The following VAV3 variants were observed in gnomAD, a reference collection of about 807,000 sequenced individuals.
VAV3 encodes guanine nucleotide exchange factor VAV3.
A neutral mutation model predicts 131.2 loss-of-function variants in VAV3; 94 were observed. The ratio of observed to expected loss-of-function variants is 0.72; its 90% CI spans 0.61 to 0.85. VAV3 has a LOEUF of 0.85. VAV3 is among the 40% of genes least tolerant of loss of function. VAV3 has a pLI of 0.00. For missense variants in VAV3, 939 were observed against 1,002.7 expected, an observed-to-expected ratio of 0.94 and a Z score of 0.86; for synonymous variants, 349 against 342.0, an observed-to-expected ratio of 1.02 and a Z score of -0.22.
At chr1:107,591,893 T>C (rs1045281092) in intron 25 of VAV3, among the ~76,000 whole-genome samples, 1 of 152,158 alleles carries the variant, frequency 6.6e-6, no homozygotes, top group Non-Finnish European at 1.5e-5. Context: ...ACAGTACAAT[T>C]ATCAAAAGCA....
intron 21 of VAV3, among the ~76,000 whole-genome samples, chr1:107,614,161 G>A (rs1418945768): frequency 6.6e-6 from 1 of 151,892 alleles, no homozygotes; most frequent in Non-Finnish European, 1.5e-5. Context: ...ATATACCCAA[G>A]TTTGCATTGT....
At chr1:107,638,423 CATTT>C (rs1356663521) in intron 20 of VAV3, among the ~76,000 whole-genome samples, 1 of 152,084 alleles carries the variant, frequency 6.6e-6, no homozygotes, top group African/African-American at 2.4e-5. Flanking sequence ...TATTAAAACT[CATTT>C]ATAATAGCAT....
At chr1:107,940,665 T>C (rs1384149220) in intron 1 of VAV3, among the ~76,000 whole-genome samples, 1 of 152,222 alleles carries the variant, frequency 6.6e-6, no homozygotes, top group African/African-American at 2.4e-5. Context: ...AAAGAAATTC[T>C]GGCACAGGCT....
chr1:107,813,967 AGTGTGTGTGTGTGTGTGTGTGTGT>A (rs58318688), intron 2 of VAV3, among the ~76,000 whole-genome samples: 63 of 135,858 alleles, frequency 4.6e-4, no homozygotes, highest in African/African-American at 1.6e-3. Context: ...ATAGTACTCC[AGTGTGTGTGTGTGTGTGTGTGTGT>A]GTGTGTGTGT....
At chr1:107,718,051 G>A (rs753107726) in intron 15 of VAV3, among the ~76,000 whole-genome samples, 3 of 151,932 alleles carry the variant, frequency 2.0e-5, no homozygotes, top group Non-Finnish European at 4.4e-5. Flanking sequence ...TTGATGGAAC[G>A]TATCTCAAAA....
chr1:107,632,548 C>T (rs560609418), intron 20 of VAV3, among the ~76,000 whole-genome samples: 2 of 152,278 alleles, frequency 1.3e-5, no homozygotes, highest in African/African-American at 4.8e-5. Flanking sequence ...CTTTGATTGG[C>T]TTAGAAGTAT....
chr1:107,686,328 T>A (rs951725142), intron 18 of VAV3, among the ~76,000 whole-genome samples: 4 of 151,828 alleles, frequency 2.6e-5, no homozygotes, highest in South Asian at 2.1e-4. Context: ...TTAAAAAAAA[T>A]TCACAATCAT....
At chr1:107,838,397 A>T (rs901268970) in intron 2 of VAV3, among the ~76,000 whole-genome samples, 1 of 152,332 alleles carries the variant, frequency 6.6e-6, no homozygotes, top group South Asian at 2.1e-4. Context: ...CCAGAATGAG[A>T]TACAAACTCA....
intron 19 of VAV3, chr1:107,678,147 TG>T (rs938540324): frequency 6.6e-6 from 1 of 152,126 alleles, no homozygotes; most frequent in African/African-American, 2.4e-5. Context: ...AACCAGAGCA[TG>T]CTCCTCAGCA....
intron 25 of VAV3, among the ~76,000 whole-genome samples, chr1:107,579,431 TC>T (rs538905641): frequency 7.8e-4 from 118 of 152,218 alleles, no homozygotes; most frequent in South Asian, 3.5e-3. Context: ...GTCCCATGTT[TC>T]CCCCCTGCAA....
intron 11 of VAV3, among the ~76,000 whole-genome samples, 168 bp from the exon 12 acceptor site, chr1:107,755,681 C>T (rs1186059217): frequency 6.6e-6 from 1 of 152,062 alleles, no homozygotes; most frequent in African/African-American, 2.4e-5. Flanking sequence ...ATCACAGAGG[C>T]AATTTTAAAA....
intron 19 of VAV3, among the ~76,000 whole-genome samples, chr1:107,649,070 C>A (rs78605485): frequency 0.051 from 7,731 of 151,298 alleles, 253 homozygotes; most frequent in Non-Finnish European, 0.081. Flanking sequence ...AACAAACAAA[C>A]AAAAAAAAAG....
At position 107,573,065 on chromosome 1, in the gene VAV3, A is replaced by G; in HGVS notation, c.*266T>C. 1 of 443,860 alleles carries G rather than the reference A, an allele frequency of 2.3e-6. No homozygotes were observed. Among genetic ancestry groups the G allele is most frequent in the Non-Finnish European group, 3.9e-6 (1 of 253,418 alleles). The allele number at this position is 443,860 out of a possible 1,614,324, so 27.5% of individuals were successfully genotyped here. ...ATGTGTTTGCAGGGCTCTTCTGGGA[A>G]GAACAGCTCTTGGTTTTGCCCTGGT... is the stretch of plus-strand genomic sequence containing the variant. On this transcript the variant is annotated 3_prime_UTR_variant, in exon 27 of 27. Coordinates refer to ENST00000370056, the MANE Select transcript of VAV3 (RefSeq NM_006113.5).
In VAV3 at chr1:107,701,427, G is replaced by A. The variant is rs187427979; in HGVS notation, c.1705+3123C>T. On this transcript the variant is annotated intron_variant, in intron 17 of 26. Transcript: ENST00000370056. ...CCAAATCCTTAAGCTGCACACAGCA[G>A]TGGGGCCCTTGATCCAGTCCACAAA... Among the ~76,000 whole-genome samples the A allele has an allele frequency of 3.4e-5, 5 of 147,850 alleles. No individual in the cohort carries two copies. The East Asian group carries it at 1.0e-3, about 30-fold the overall frequency.
rs1007456513 is a variant in VAV3, at chr1:107,639,098, G to A, written c.1914+3521C>T. Among the ~76,000 whole-genome samples, 7 of 151,824 alleles carry A rather than the reference G, an allele frequency of 4.6e-5. No individual in the cohort carries two copies. The East Asian group carries it at 5.8e-4, about 13-fold the overall frequency. ...GGCAATCCAGTGGAGAAATAATTGC[G>A]TTTTCAACAAATGCTGCTGGAGCAC... On this transcript the variant is annotated intron_variant, in intron 20 of 26. Coordinates refer to ENST00000370056, the MANE Select transcript of VAV3 (RefSeq NM_006113.5).
chr1:107,612,438 T>C (rs1652826224), intron 21 of VAV3, among the ~76,000 whole-genome samples: 1 of 152,122 alleles, frequency 6.6e-6, no homozygotes, highest in African/African-American at 2.4e-5. Context: ...TACTTGGTTC[T>C]TTTGTAGTTC....
chr1:107,593,552 G>A (rs1651131770), intron 25 of VAV3, among the ~76,000 whole-genome samples: 1 of 152,032 alleles, frequency 6.6e-6, no homozygotes, highest in African/African-American at 2.4e-5. Flanking sequence ...AGGTAATAAT[G>A]CTTGGCAAAT....
chr1:107,669,075 G>A lies in VAV3; in HGVS notation c.1777+14413C>T. 3.7e-6 allele frequency: 4 copies of A among 1,081,428 alleles called. 1 individual carries two copies. Among genetic ancestry groups the A allele is most frequent in the South Asian group, 5.1e-5 (2 of 39,034 alleles). The allele number at this position is 1,081,428 out of a possible 1,614,324, so 67.0% of individuals were successfully genotyped here. On this transcript the variant is annotated intron_variant, in intron 19 of 26. Coordinates refer to ENST00000370056, the MANE Select transcript of VAV3 (RefSeq NM_006113.5). Reference sequence around the variant, plus strand: ...GCTAAGAAGGTCAAAAAGAACACAGGGGAAAAAAAGAAAAATGAGTTATGC... The same window carrying A: ...GCTAAGAAGGTCAAAAAGAACACAGAGGAAAAAAAGAAAAATGAGTTATGC...
intron 21 of VAV3, among the ~76,000 whole-genome samples, chr1:107,612,153 C>CAT (rs1203899178): frequency 1.4e-5 from 2 of 147,614 alleles, no homozygotes; most frequent in Non-Finnish European, 3.0e-5. Context: ...TACACACACA[C>CAT]ACATACATAC....
Sources: allele counts gnomAD v4.1 joint callset (sites outside exome capture counted in the v4.1 genomes callset), GRCh38; gene constraint gnomAD v4.1.1; transcripts MANE v1.5; gene names NCBI Gene and HGNC (gene_info 2026-07-23, HGNC 2026-07-21).